The following TBC1D30 variants were observed in gnomAD, a reference collection of about 807,000 sequenced individuals.
The protein encoded by TBC1D30 is TBC1 domain family, member 30.
Under a neutral mutation model 63.2 loss-of-function variants are expected in TBC1D30, and 31 were observed. The observed-to-expected ratio is 0.49, with a 90% CI of 0.37 to 0.66. The LOEUF is 0.66. Ranked by LOEUF, TBC1D30 falls within the 30% of genes least tolerant of loss-of-function variation. The pLI is 0.00. For synonymous variants in TBC1D30, 307 were observed against 361.5 expected, an observed-to-expected ratio of 0.85 and a Z score of 1.71; for missense variants, 810 against 953.6, an observed-to-expected ratio of 0.85 and a Z score of 1.98.
chr12:64,797,028 CAAAAAAAAAAAAAA>C (rs552416081), intron 2 of TBC1D30, among the ~76,000 whole-genome samples: 7 of 75,138 alleles, frequency 9.3e-5, no homozygotes, highest in East Asian at 4.0e-4. Context: ...TTCTCCTCTG[CAAAAAAAAAAAAAA>C]AAAAAAAAAA....
At chr12:64,817,549 AC>A (rs1328030182) in intron 2 of TBC1D30, among the ~76,000 whole-genome samples, 1 of 152,026 alleles carries the variant, frequency 6.6e-6, no homozygotes, top group African/African-American at 2.4e-5. Context: ...TTCTGAATGA[AC>A]TCAACCTGGA....
intron 2 of TBC1D30, among the ~76,000 whole-genome samples, chr12:64,797,446 T>A (rs566505475): frequency 9.2e-5 from 14 of 152,334 alleles, no homozygotes; most frequent in Admixed American, 3.9e-4. Flanking sequence ...CCACTCTTTG[T>A]CATTTTCACC....
intron 2 of TBC1D30, among the ~76,000 whole-genome samples, chr12:64,815,832 C>G (rs192039184): frequency 6.6e-6 from 1 of 151,614 alleles, no homozygotes; most frequent in East Asian, 1.9e-4. Context: ...GTCACCAAGG[C>G]TGGTAGTATG....
chr12:64,769,812 G>A (rs184763946), intron 1 of TBC1D30, among the ~76,000 whole-genome samples: 37 of 152,234 alleles, frequency 2.4e-4, no homozygotes, highest in Non-Finnish European at 4.1e-4. Context: ...GAGCCACTGG[G>A]CTCGGCTGAA....
chr12:64,831,317 A>G (rs1030712761), intron 4 of TBC1D30, among the ~76,000 whole-genome samples: 1 of 152,364 alleles, frequency 6.6e-6, no homozygotes, highest in East Asian at 1.9e-4. Context: ...GTGTACTAAA[A>G]AGCCTTTGCA....
At position 64,875,192 on chromosome 12, in the gene TBC1D30, C is replaced by T. The variant is rs1878950096; in HGVS notation, c.1690C>T (p.Pro564Ser). Reference protein sequence around the residue: ...YEDLKTKLNSPWRTHIRVHKK... With the variant: ...YEDLKTKLNSSWRTHIRVHKK... Reference sequence around the variant, plus strand: ...AGACCTTAAGACGAAGCTCAACTCCCCGTGGCGAACTCACATCCGAGTCCA... The same window carrying T: ...AGACCTTAAGACGAAGCTCAACTCCTCGTGGCGAACTCACATCCGAGTCCA... Residue 564 changes from proline to serine, a missense_variant, in exon 12 of 12, where the codon CCG (proline) becomes TCG (serine). By Grantham distance (74) the Pro-to-Ser change is moderately conservative. Around this residue, in one of 4 missense-constraint regions of TBC1D30, gnomAD observed 450 missense variants for 473.0 expected, o/e 0.95. Transcript: ENST00000539867. 1.2e-5 allele frequency: 19 copies of T among 1,536,396 alleles called. No homozygotes were observed. The highest frequency in any genetic ancestry group is 1.7e-5 in the Non-Finnish European group (19 of 1,146,910).
At chr12:64,821,855 C>A (rs2136346414), upstream of TBC1D30, among the ~76,000 whole-genome samples, 1 of 152,332 alleles carries the variant, frequency 6.6e-6, no homozygotes, top group Non-Finnish European at 1.5e-5. Flanking sequence ...TTAAGCCAAG[C>A]AATTAGTCAT....
chr12:64,843,902 C>T (rs756150627), intron 8 of TBC1D30, among the ~76,000 whole-genome samples: 22 of 152,180 alleles, frequency 1.4e-4, no homozygotes, highest in Non-Finnish European at 2.6e-4. Context: ...AGTGATCCTG[C>T]CACCTCAGGC....
At chr12:64,871,003 C>A (rs1237492820) in intron 11 of TBC1D30, among the ~76,000 whole-genome samples, 195 bp downstream of exon 11, 1 of 152,158 alleles carries the variant, frequency 6.6e-6, no homozygotes, top group Admixed American at 6.5e-5. Flanking sequence ...AAAAAGACTG[C>A]AGGTTCTTTT....
In TBC1D30 at chr12:64,824,742, G is replaced by A. The variant is rs996546636; in HGVS notation, c.-138G>A. ...AAGTCCCCGTGACCCTCCAGCACCAGCCGGCTGTGCGCTCCCTGCTCCCAC... is the reference window on the plus strand; with the variant it reads ...AAGTCCCCGTGACCCTCCAGCACCAACCGGCTGTGCGCTCCCTGCTCCCAC... On this transcript the variant is annotated 5_prime_UTR_variant, in exon 1 of 12. Coordinates refer to ENST00000539867, the MANE Select transcript of TBC1D30 (RefSeq NM_015279.2). 3 of 1,240,026 alleles carry A rather than the reference G, an allele frequency of 2.4e-6. No homozygotes were observed. The African/African-American group carries it at 4.6e-5, about 19-fold the overall frequency. The allele number at this position is 1,240,026 out of a possible 1,614,324, so 76.8% of individuals were successfully genotyped here. A position where few individuals can be genotyped will look rare whatever the true frequency, so the allele number is the denominator to read the frequency against.
intron 3 of TBC1D30, 83 bp from the exon 4 acceptor site, chr12:64,830,294 G>T: frequency 1.5e-6 from 2 of 1,350,240 alleles, no homozygotes; most frequent in South Asian, 3.2e-5. Context: ...CCATTTTCTT[G>T]TCGAATGCAA....
Position 64,835,934 on chromosome 12 carries a change from A to G in TBC1D30, c.595-556A>G, listed in dbSNP as rs77110620. Among the ~76,000 whole-genome samples, 83 of 152,334 alleles carry G rather than the reference A, an allele frequency of 5.4e-4. 2 individuals are homozygous for G. The East Asian group carries it at 0.012, about 23-fold the overall frequency. ...TAACAACCTTATGAAAGAAATACAG[A>G]TTCTGAAAAGTACTATTTGTTCAAG... On this transcript the variant is annotated intron_variant, in intron 5 of 11. Coordinates refer to ENST00000539867, the MANE Select transcript of TBC1D30 (RefSeq NM_015279.2).
chr12:64,764,011 A>G lies in TBC1D30; in HGVS notation c.-376+4362A>G, dbSNP rs183007911. ...TGTGTTAACAGATGACTGATTATAA[A>G]TGCTGTTTAACCACAGGTTAAAATA... is the stretch of plus-strand genomic sequence containing the variant. On this transcript the variant is annotated intron_variant, in intron 1 of 13. Coordinates refer to the TBC1D30 transcript ENST00000674237. 6.6e-4 allele frequency among the ~76,000 whole-genome samples: 100 copies of G among 152,346 alleles called. No homozygotes were observed. The South Asian group carries it at 7.7e-3, about 12-fold the overall frequency.
chr12:64,762,857 A>T (rs114219308), intron 1 of TBC1D30, among the ~76,000 whole-genome samples: 2 of 152,014 alleles, frequency 1.3e-5, no homozygotes, highest in African/African-American at 4.8e-5. Context: ...CAGAAAAATT[A>T]TTTTTCACCT....
chr12:64,767,808 G>A (rs1426369456), intron 1 of TBC1D30, among the ~76,000 whole-genome samples: 6 of 123,808 alleles, frequency 4.8e-5, no homozygotes, highest in Non-Finnish European at 8.6e-5. Flanking sequence ...GGGAGGGGGG[G>A]GAGATAGGCT....
At chr12:64,867,040 G>GACCCACCATGACTA in intron 10 of TBC1D30, 137 bp downstream of exon 10, 1 of 992,870 alleles carries the variant, frequency 1.0e-6, no homozygotes, top group Non-Finnish European at 1.4e-6. Flanking sequence ...GGCTAGTCAT[G>GACCCACCATGACTA]GTGGGTCATG....
intron 2 of TBC1D30, among the ~76,000 whole-genome samples, chr12:64,791,972 T>C (rs1271409878): frequency 6.6e-6 from 1 of 152,186 alleles, no homozygotes; most frequent in Non-Finnish European, 1.5e-5. Flanking sequence ...TCATCCCTGG[T>C]GTATTATACA....
At chr12:64,867,843 C>T (rs1878349982) in intron 10 of TBC1D30, 1 of 152,198 alleles carries the variant, frequency 6.6e-6, no homozygotes, top group Non-Finnish European at 1.5e-5. Context: ...AAAGAGATAA[C>T]TTCCACCTAC....
chr12:64,799,921 A>G (rs1430339149), intron 2 of TBC1D30, among the ~76,000 whole-genome samples: 1 of 152,208 alleles, frequency 6.6e-6, no homozygotes, highest in Non-Finnish European at 1.5e-5. Context: ...CCTGGCCAAC[A>G]TGGTGAAACC....
Sources: allele counts gnomAD v4.1 joint callset (sites outside exome capture counted in the v4.1 genomes callset), GRCh38; gene constraint gnomAD v4.1.1; regional missense constraint gnomAD v4.1.1; transcripts MANE v1.5; gene names NCBI Gene and HGNC (gene_info 2026-07-23, HGNC 2026-07-21).